Variants in SND1 observed in about 807,000 individuals in gnomAD.
SND1 encodes the protein staphylococcal nuclease and tudor domain containing 1.
Under a neutral mutation model 121.7 loss-of-function variants are expected in SND1, and 38 were observed. The ratio of observed to expected loss-of-function variants is 0.31; its 90% CI spans 0.24 to 0.41. SND1 has a LOEUF of 0.41. Among genes scored for constraint, SND1 ranks in the 10% least tolerant of loss-of-function variants. The pLI, the probability that SND1 is intolerant of heterozygous loss-of-function variation, is 1.00. For missense variants in SND1, 868 were observed against 1,184.6 expected, an observed-to-expected ratio of 0.73 and a Z score of 3.92; for synonymous variants, 401 against 447.4, an observed-to-expected ratio of 0.90 and a Z score of 1.31.
At position 127,988,655 on chromosome 7, in the gene SND1, T is replaced by C. The variant is rs1448591197; in HGVS notation, c.1670-2292T>C. Among the ~76,000 whole-genome samples, 3 of 152,252 alleles carry C rather than the reference T, an allele frequency of 2.0e-5. No individual in the cohort carries two copies. In the East Asian group the frequency reaches 5.8e-4, roughly 29 times the overall value. The stretch of plus-strand genomic sequence containing the variant: ...TCACCAACCTGGTGAGATTTCAGAA[T>C]ACCAAGAGAGTGACAAAGGAGTAGA... On this transcript the variant is annotated intron_variant, in intron 15 of 23. Transcript: ENST00000354725.
chr7:127,732,454 T>A (rs963314397), intron 10 of SND1, among the ~76,000 whole-genome samples: 8 of 152,238 alleles, frequency 5.3e-5, no homozygotes, highest in African/African-American at 1.9e-4. Flanking sequence ...TTATATGCCC[T>A]TGTCTTGTGT....
intron 14 of SND1, among the ~76,000 whole-genome samples, chr7:127,922,081 C>T (rs1029192140): frequency 3.3e-5 from 5 of 151,520 alleles, no homozygotes; most frequent in African/African-American, 1.2e-4. Flanking sequence ...GCCTCGACCT[C>T]CCAGGCTTAA....
At chr7:127,788,291 T>A (rs1308288512) in intron 10 of SND1, among the ~76,000 whole-genome samples, 7 of 152,236 alleles carry the variant, frequency 4.6e-5, no homozygotes, top group Non-Finnish European at 1.0e-4. Context: ...TGCTGGAGGC[T>A]ACAGAGATGA....
rs536054148 is a variant in SND1, at chr7:128,083,289, C to CA, written c.2111-1427dup. The stretch of plus-strand genomic sequence containing the variant: ...AAGTCCTGCTTCTGTTGCCTTGGAG[C>CA]AAAAAAAATGAAAGTAGACCAAGTT... On this transcript the variant is annotated intron_variant, in intron 18 of 23. Transcript: ENST00000354725. Among the ~76,000 whole-genome samples the CA allele has an allele frequency of 4.0e-4, 61 of 151,918 alleles. No individual in the cohort carries two copies. In the South Asian group the frequency reaches 0.011, roughly 28 times the overall value.
At chr7:127,774,913 T>C (rs1797586951) in intron 10 of SND1, among the ~76,000 whole-genome samples, 1 of 152,214 alleles carries the variant, frequency 6.6e-6, no homozygotes, top group East Asian at 1.9e-4. Flanking sequence ...CTGTACCTTT[T>C]CTATGTTTAG....
intron 9 of SND1, among the ~76,000 whole-genome samples, chr7:127,709,805 A>C (rs1398288438): frequency 1.3e-5 from 2 of 151,892 alleles, no homozygotes; most frequent in African/African-American, 4.9e-5. Flanking sequence ...TTGAAACATA[A>C]ATTGAGACTG....
At chr7:127,926,720 T>TTGTTGTTGTTGTTGTTGTTG in intron 14 of SND1, among the ~76,000 whole-genome samples, 1 of 142,854 alleles carries the variant, frequency 7.0e-6, no homozygotes, top group East Asian at 2.0e-4. Context: ...ACCCGGCTAT[T>TTGTTGTTGTTGTTGTTGTTG]TTGTTGTTGT....
At position 127,741,518 on chromosome 7, in the gene SND1, G is replaced by C. The variant is rs536566494; in HGVS notation, c.1152+20118G>C. On this transcript the variant is annotated intron_variant, in intron 10 of 23. Transcript: ENST00000354725. ...GCAAATCTCTGGGAGTGGAGTGCAG[G>C]CCTTGTTGTACCGCAGGTGACTCTA... Among the ~76,000 whole-genome samples, 16 of 152,242 alleles carry C rather than the reference G, an allele frequency of 1.1e-4. No homozygotes were observed. In the East Asian group the frequency reaches 2.9e-3, roughly 28 times the overall value.
intron 15 of SND1, among the ~76,000 whole-genome samples, chr7:127,948,499 G>T (rs765082055): frequency 2.0e-5 from 3 of 152,194 alleles, no homozygotes; most frequent in South Asian, 2.1e-4. Context: ...TTAGAAGACC[G>T]TCTGTGTCTT....
intron 9 of SND1, among the ~76,000 whole-genome samples, chr7:127,717,697 A>C (rs950360876): frequency 1.3e-4 from 20 of 152,174 alleles, no homozygotes; most frequent in African/African-American, 4.8e-4. Flanking sequence ...ATCAAACCAC[A>C]GTCTCTGGTC....
intron 15 of SND1, among the ~76,000 whole-genome samples, chr7:127,938,171 G>T (rs1016234356): frequency 1.3e-5 from 2 of 152,190 alleles, no homozygotes; most frequent in Non-Finnish European, 2.9e-5. Flanking sequence ...TACTTTTAAA[G>T]ATATCATTAT....
intron 15 of SND1, among the ~76,000 whole-genome samples, chr7:127,956,281 C>T (rs1801590158): frequency 6.6e-6 from 1 of 152,208 alleles, no homozygotes; most frequent in African/African-American, 2.4e-5. Context: ...TATGACCATA[C>T]CTGCTCCCTG....
At chr7:127,670,059 C>T (rs888670590) in intron 1 of SND1, among the ~76,000 whole-genome samples, 6 of 150,730 alleles carry the variant, frequency 4.0e-5, no homozygotes, top group Non-Finnish European at 7.4e-5. Context: ...GGCGTGATCT[C>T]GGCTTACTGC....
chr7:127,941,910 TTTA>T (rs1425499887), intron 15 of SND1, among the ~76,000 whole-genome samples: 2 of 146,496 alleles, frequency 1.4e-5, no homozygotes, highest in Admixed American at 6.8e-5. Context: ...TTTTTTTTTT[TTTA>T]AATTTTCCAA....
chr7:127,724,534 C>T (rs1047397969), intron 10 of SND1, among the ~76,000 whole-genome samples: 2 of 152,118 alleles, frequency 1.3e-5, no homozygotes, highest in East Asian at 3.9e-4. Flanking sequence ...ATATGATGAA[C>T]TGCAAGTGAT....
intron 16 of SND1, among the ~76,000 whole-genome samples, chr7:128,062,397 A>C (rs2117035673): frequency 6.6e-6 from 1 of 152,346 alleles, no homozygotes; most frequent in South Asian, 2.1e-4. Context: ...AGGCGTGAGG[A>C]CAAAAGGAAA....
At chr7:127,749,130 C>T (rs1462583279) in intron 10 of SND1, among the ~76,000 whole-genome samples, 1 of 147,170 alleles carries the variant, frequency 6.8e-6, no homozygotes, top group African/African-American at 2.5e-5. Flanking sequence ...AACTCCCAGG[C>T]CCAGGTGATC....
chr7:127,801,932 CCA>C (rs773258571), intron 10 of SND1, among the ~76,000 whole-genome samples: 2 of 152,070 alleles, frequency 1.3e-5, no homozygotes, highest in African/African-American at 4.8e-5. Context: ...AGCTCCACCT[CCA>C]GAGTTCACGC....
intron 10 of SND1, among the ~76,000 whole-genome samples, chr7:127,727,257 G>C (rs1796598244): frequency 6.6e-6 from 1 of 152,234 alleles, no homozygotes; most frequent in African/African-American, 2.4e-5. Flanking sequence ...AGGGCAGGCA[G>C]GTGGGAGAGA....
Sources: allele counts gnomAD v4.1 joint callset (sites outside exome capture counted in the v4.1 genomes callset), GRCh38; gene constraint gnomAD v4.1.1; transcripts MANE v1.5; gene names NCBI Gene and HGNC (gene_info 2026-07-23, HGNC 2026-07-21).